PAXIP1: variants seen among roughly 807,000 people sequenced by gnomAD.
PAXIP1 encodes the protein PAX-interacting protein 1.
PAXIP1 carries 19 observed loss-of-function variants against 140.6 expected under a neutral mutation model. That is an observed-to-expected ratio of 0.14 (90% confidence interval 0.09 to 0.20). PAXIP1 has a LOEUF of 0.20. PAXIP1 is among the 10% of genes least tolerant of loss of function. The probability of loss-of-function intolerance (pLI) is 1.00; values close to 1 mark genes in which losing one functional copy is unlikely to be tolerated. For synonymous variants in PAXIP1, 442 were observed against 444.6 expected (o/e 0.99, Z 0.07); for missense variants, 920 against 1,208.6 (o/e 0.76, Z 3.54).
chr7:154,991,206 AC>A (rs767345676), intron 3 of PAXIP1, 137 bp from the exon 4 acceptor site: 2 of 525,564 alleles, frequency 3.8e-6, no homozygotes, highest in Admixed American at 4.0e-5. Context: ...AAAGAAGAGT[AC>A]AGGGCAGAGT....
chr7:154,943,793 T>C lies in PAXIP1; in HGVS notation c.*356A>G, dbSNP rs539188710. On this transcript the variant is annotated 3_prime_UTR_variant, in exon 21 of 21. Transcript: ENST00000404141. ...ATCAAAGTACAAAACATTTCAAATCTTTAACATCCATAATTTAGAGATAGC... is the reference window on the plus strand; with the variant it reads ...ATCAAAGTACAAAACATTTCAAATCCTTAACATCCATAATTTAGAGATAGC... 5.6e-4 allele frequency: 125 copies of C among 223,430 alleles called. No individual in the cohort carries two copies. The highest frequency in any genetic ancestry group is 2.8e-3 in the African/African-American group (121 of 43,738). 13.8% of individuals were successfully genotyped at this position (223,430 alleles called of 1,614,324 possible). A position where few individuals can be genotyped will look rare whatever the true frequency, so the allele number is the denominator to read the frequency against.
chr7:154,948,112 T>C (rs1043220866), intron 16 of PAXIP1, 109 bp from the exon 17 acceptor site: 46 of 757,718 alleles, frequency 6.1e-5, no homozygotes, highest in Non-Finnish European at 1.0e-4. Context: ...TACAGCTACA[T>C]TTACCTGTAC....
At chr7:154,982,835 C>T (rs905235384) in intron 5 of PAXIP1, among the ~76,000 whole-genome samples, 2 of 152,068 alleles carry the variant, frequency 1.3e-5, no homozygotes, top group Admixed American at 1.3e-4. Context: ...GAAAATTTCA[C>T]CACACACGTT....
In PAXIP1 at chr7:154,976,011, T is replaced by A. The variant is rs570044914; in HGVS notation, c.759A>T (p.Ser253=). 8.7e-6 allele frequency: 14 copies of A among 1,612,868 alleles called. No homozygotes were observed. In the African/African-American group the frequency reaches 1.2e-4, roughly 14 times the overall value. ...SKGELMFDDS[S]DSSPEKQERN... is the part of the protein sequence containing the mutation. ...TCTCCTGTTTTTCCGGTGATGAATCTGAAGAATCATCAAACATTAATTCCC... is the reference window on the plus strand; with the variant it reads ...TCTCCTGTTTTTCCGGTGATGAATCAGAAGAATCATCAAACATTAATTCCC... Residue 253 remains serine, a synonymous_variant, in exon 6 of 21, where the codon TCA becomes TCT. Coordinates refer to ENST00000404141, the MANE Select transcript of PAXIP1 (RefSeq NM_007349.4).
In PAXIP1 at chr7:154,963,921, C is replaced by A. The variant is rs772814820; in HGVS notation, c.1894-155G>T. On this transcript the variant is annotated intron_variant, in intron 8 of 20. Coordinates refer to ENST00000404141, the MANE Select transcript of PAXIP1 (RefSeq NM_007349.4). This position sits in a 1 kb window ranked among gnomAD's most constrained non-coding sequence, Gnocchi z 4.1. ...GACATGTAACAGTTCTATTTACGGA[C>A]TTTTCTACCCAGCACCATACAATGA... 4 of 611,458 alleles carry A rather than the reference C, an allele frequency of 6.5e-6. No individual in the cohort carries two copies. Among genetic ancestry groups the A allele is most frequent in the South Asian group, 1.9e-5 (1 of 52,508 alleles). 37.9% of individuals were successfully genotyped at this position (611,458 alleles called of 1,614,324 possible). A position where few individuals can be genotyped will look rare whatever the true frequency, so the allele number is the denominator to read the frequency against.
At chr7:154,997,810 T>C (rs1460190013) in intron 2 of PAXIP1, among the ~76,000 whole-genome samples, 2 of 152,222 alleles carry the variant, frequency 1.3e-5, no homozygotes, top group Admixed American at 6.5e-5. Flanking sequence ...TTGTGACTCT[T>C]GTCAGAAAGG....
At chr7:154,957,921 T>G (rs1455709387) in intron 13 of PAXIP1, among the ~76,000 whole-genome samples, 5 of 141,902 alleles carry the variant, frequency 3.5e-5, no homozygotes, top group Non-Finnish European at 7.5e-5. Flanking sequence ...GAGCCGAGAT[T>G]GCGCCACTGC....
chr7:154,959,842 T>G, intron 13 of PAXIP1, 48 bp downstream of exon 13: 1 of 1,236,568 alleles, frequency 8.1e-7, no homozygotes, highest in Non-Finnish European at 1.2e-6. Context: ...CCCTACTGCA[T>G]CTTAATAATA....
chr7:154,972,397 G>C lies in PAXIP1; in HGVS notation c.1075-3271C>G, dbSNP rs572930960. 2.0e-5 allele frequency among the ~76,000 whole-genome samples: 3 copies of C among 152,314 alleles called. 1 individual carries two copies. In the South Asian group the frequency reaches 6.2e-4, roughly 32 times the overall value. ...CCAGCTACTCAGGAGGCTGAGGCAA[G>C]AGAATCGCCTAAACCAGGGAGGTGC... On this transcript the variant is annotated intron_variant, in intron 6 of 20. Coordinates refer to ENST00000404141, the MANE Select transcript of PAXIP1 (RefSeq NM_007349.4).
At chr7:154,979,839 T>C (rs1393761893) in intron 5 of PAXIP1, among the ~76,000 whole-genome samples, 2 of 151,996 alleles carry the variant, frequency 1.3e-5, no homozygotes, top group Non-Finnish European at 2.9e-5. Context: ...CATAGAAGGG[T>C]GCATGGCCTA....
At chr7:154,974,021 C>G (rs1037139945) in intron 6 of PAXIP1, 4 of 152,766 alleles carry the variant, frequency 2.6e-5, no homozygotes, top group Admixed American at 2.6e-4. Context: ...CCACCTACTA[C>G]ACATTCTCAC....
intron 3 of PAXIP1, among the ~76,000 whole-genome samples, chr7:154,992,690 C>T (rs1048251960): frequency 6.6e-6 from 1 of 152,036 alleles, no homozygotes; most frequent in African/African-American, 2.4e-5. Context: ...TATTCCCAGT[C>T]TTTTTGACTT....
intron 16 of PAXIP1, chr7:154,952,206 G>GC (rs1219446725): frequency 1.3e-5 from 2 of 152,062 alleles, no homozygotes; most frequent in Non-Finnish European, 2.9e-5. Context: ...CATGCGAGCC[G>GC]CATTATTTCA....
rs770328763 is a variant in PAXIP1 at position 154,986,710 on chromosome 7, T to G, written c.325-3378A>C. Among the ~76,000 whole-genome samples, 3 of 152,202 alleles carry G rather than the reference T, an allele frequency of 2.0e-5. No individual in the cohort carries two copies. The highest frequency in any genetic ancestry group is 4.4e-5 in the Non-Finnish European group (3 of 68,018). On this transcript the variant is annotated intron_variant, in intron 4 of 20. Transcript: ENST00000404141. The surrounding 1 kb of genome is among the most constrained non-coding windows in gnomAD (Gnocchi z 4.8). ...ACTATTAAAGTCTTCCCCATCCCTATTTGAACAATCTTTCTCAACTTAAAA... is the reference window on the plus strand; with the variant it reads ...ACTATTAAAGTCTTCCCCATCCCTAGTTGAACAATCTTTCTCAACTTAAAA...
At chr7:154,980,445 C>T (rs1368549838) in intron 5 of PAXIP1, among the ~76,000 whole-genome samples, 2 of 152,118 alleles carry the variant, frequency 1.3e-5, no homozygotes, top group African/African-American at 4.8e-5. Flanking sequence ...AGCAGGGTCT[C>T]ACTTTGTTGC....
At chr7:154,994,266 A>T (rs1322642671) in intron 2 of PAXIP1, among the ~76,000 whole-genome samples, 1 of 152,232 alleles carries the variant, frequency 6.6e-6, no homozygotes, top group African/African-American at 2.4e-5. Context: ...TTAATTATAA[A>T]ACAGATTAAT....
At chr7:154,993,588 ATAG>A (rs1810443989) in intron 3 of PAXIP1, 135 bp downstream of exon 3, 2 of 687,526 alleles carry the variant, frequency 2.9e-6, no homozygotes, top group African/African-American at 3.7e-5. Flanking sequence ...AGGATGGAAA[ATAG>A]TAGGAATATA....
chr7:154,989,739 G>A (rs1301152357), intron 4 of PAXIP1, among the ~76,000 whole-genome samples: 1 of 152,056 alleles, frequency 6.6e-6, no homozygotes, highest in East Asian at 1.9e-4. Context: ...TTAACATTTT[G>A]GTTTCTCATT....
intron 16 of PAXIP1, among the ~76,000 whole-genome samples, chr7:154,953,146 GC>G (rs1328871906): frequency 1.4e-5 from 2 of 141,122 alleles, no homozygotes; most frequent in Non-Finnish European, 2.9e-5. Context: ...GGTGAGTTTA[GC>G]CACAAGAGTG....
Sources: allele counts gnomAD v4.1 joint callset (sites outside exome capture counted in the v4.1 genomes callset), GRCh38; gene constraint gnomAD v4.1.1; non-coding constraint Gnocchi (gnomAD v3.1); transcripts MANE v1.5; gene names NCBI Gene and HGNC (gene_info 2026-07-23, HGNC 2026-07-21).